JAKMIP3: variants seen among roughly 807,000 people sequenced by gnomAD.
The protein encoded by JAKMIP3 is Janus kinase and microtubule interacting protein 3, also known as janus kinase and microtubule-interacting protein 3.
A neutral mutation model predicts 118.5 loss-of-function variants in JAKMIP3; 58 were observed. That is an observed-to-expected ratio of 0.49 (90% CI 0.40 to 0.61). The LOEUF is 0.61. JAKMIP3 is among the 20% of genes least tolerant of loss of function. The probability of loss-of-function intolerance (pLI) is 0.00; values close to 1 mark genes in which losing one functional copy is unlikely to be tolerated. For missense variants in JAKMIP3, 950 were observed against 1,109.0 expected (o/e 0.86, Z 2.04); for synonymous variants, 486 against 451.2 (o/e 1.08, Z -0.98).
chr10:132,038,790 CAAAA>C (rs58917363), intron 1 of JAKMIP3, among the ~76,000 whole-genome samples: 19,596 of 124,722 alleles, frequency 0.16, 1,372 homozygotes, highest in Middle Eastern at 0.19. Context: ...GAGACTGTCT[CAAAA>C]AAAAAAAAAA....
At chr10:132,115,967 GAGCAAAGCCCTTGGC>G (rs973113756) in intron 2 of JAKMIP3, among the ~76,000 whole-genome samples, 7 of 152,236 alleles carry the variant, frequency 4.6e-5, no homozygotes, top group Non-Finnish European at 8.8e-5. Context: ...CGGAGCGGGA[GAGCAAAGCCCTTGGC>G]AGCAGAGCCT....
At chr10:132,090,572 T>C (rs1213532599) in intron 1 of JAKMIP3, among the ~76,000 whole-genome samples, 1 of 152,228 alleles carries the variant, frequency 6.6e-6, no homozygotes, top group Non-Finnish European at 1.5e-5. Flanking sequence ...TTTATCATTT[T>C]TTATTGCATC....
chr10:132,061,548 A>C (rs951514087), upstream of JAKMIP3, among the ~76,000 whole-genome samples: 1 of 152,238 alleles, frequency 6.6e-6, no homozygotes, highest in African/African-American at 2.4e-5. Flanking sequence ...AAAAAGGCCA[A>C]ATTTGAAGAT....
chr10:132,135,301 T>A, intron 5 of JAKMIP3, 141 bp downstream of exon 5: 1 of 850,122 alleles, frequency 1.2e-6, no homozygotes, highest in Non-Finnish European at 1.8e-6. Flanking sequence ...CTCCTGACTG[T>A]GTTCCAGTTG....
chr10:132,092,455 T>A (rs2043218388), intron 1 of JAKMIP3, among the ~76,000 whole-genome samples: 1 of 152,260 alleles, frequency 6.6e-6, no homozygotes, highest in Non-Finnish European at 1.5e-5. Flanking sequence ...TCTTGGAGGC[T>A]TCGTTCATTT....
At chr10:132,046,031 A>G (rs2133784459) in intron 1 of JAKMIP3, among the ~76,000 whole-genome samples, 1 of 152,242 alleles carries the variant, frequency 6.6e-6, no homozygotes. Flanking sequence ...TGATAAATTC[A>G]CACACCTGTG....
At chr10:132,071,197 A>G (rs1045210442) in intron 1 of JAKMIP3, among the ~76,000 whole-genome samples, 7 of 113,720 alleles carry the variant, frequency 6.2e-5, no homozygotes, top group African/African-American at 1.9e-4. Flanking sequence ...GTGTGTTTTA[A>G]TCCAGATGTT....
intron 21 of JAKMIP3, among the ~76,000 whole-genome samples, chr10:132,166,442 C>T (rs2058912805): frequency 6.6e-6 from 1 of 152,204 alleles, no homozygotes; most frequent in Non-Finnish European, 1.5e-5. Context: ...GGCTCCCGAC[C>T]CCCAGCCCAG....
intron 1 of JAKMIP3, among the ~76,000 whole-genome samples, chr10:132,080,759 G>T (rs2041660234): frequency 6.6e-6 from 1 of 151,658 alleles, no homozygotes; most frequent in Non-Finnish European, 1.5e-5. Context: ...ACCTCAAGCA[G>T]TCTGCCCACC....
intron 2 of JAKMIP3, among the ~76,000 whole-genome samples, chr10:132,110,498 T>C (rs931536846): frequency 3.3e-5 from 5 of 152,274 alleles, no homozygotes; most frequent in African/African-American, 1.2e-4. Flanking sequence ...CTTGTTTCTC[T>C]GCTGCGGTAC....
rs2059122939 is a variant in JAKMIP3, at chr10:132,167,952, G to A, written c.*23-1G>A. The A allele has an allele frequency of 5.4e-6, 7 of 1,288,968 alleles. No individual in the cohort carries two copies. Among genetic ancestry groups the A allele is most frequent in the African/African-American group, 1.5e-5 (1 of 65,810 alleles). The allele number at this position is 1,288,968 out of a possible 1,614,324, so 79.8% of individuals were successfully genotyped here. On this transcript the variant is annotated splice_acceptor_variant, in intron 22 of 23. Coordinates refer to ENST00000684848, the MANE Select transcript of JAKMIP3 (RefSeq NM_001323087.2). LOFTEE classifies it low-confidence loss of function (3UTR_SPLICE). The stretch of plus-strand genomic sequence containing the variant: ...TGCACTCTACGTTTCATTTCTTCCA[G>A]CCCCACATTGAATCGGACCCTTTTC...
chr10:132,060,445 T>A (rs561279302), upstream of JAKMIP3, among the ~76,000 whole-genome samples: 33 of 152,102 alleles, frequency 2.2e-4, no homozygotes, highest in Middle Eastern at 3.4e-3. Context: ...TTTACAATTT[T>A]AAAAAAATGG....
chr10:132,104,621 A>G (rs939776308), intron 1 of JAKMIP3, 51 bp from the exon 2 acceptor site: 6 of 618,846 alleles, frequency 9.7e-6, no homozygotes, highest in Non-Finnish European at 1.4e-5. Flanking sequence ...CCTGAGCTCC[A>G]GGCCACGGCT....
At chr10:132,133,647 C>G in intron 4 of JAKMIP3, 120 bp downstream of exon 4, 8 of 918,280 alleles carry the variant, frequency 8.7e-6, no homozygotes, top group Non-Finnish European at 1.3e-5. Context: ...AGGCAGCACC[C>G]TCCTGCCTGG....
At chr10:132,069,928 C>T (rs972367429) in intron 1 of JAKMIP3, among the ~76,000 whole-genome samples, 6 of 152,142 alleles carry the variant, frequency 3.9e-5, no homozygotes, top group African/African-American at 9.7e-5. Context: ...AGACGGGGCT[C>T]GGTCCCCAGT....
At chr10:132,041,023 C>T (rs189391540) in intron 1 of JAKMIP3, among the ~76,000 whole-genome samples, 5 of 152,144 alleles carry the variant, frequency 3.3e-5, no homozygotes, top group South Asian at 2.1e-4. Flanking sequence ...CTGTGTCTCG[C>T]GGCTGAGCGG....
In JAKMIP3 at chr10:132,179,696, C is replaced by T. The variant is rs1353320484; in HGVS notation, c.*1104-2661C>T. Among the ~76,000 whole-genome samples the T allele has an allele frequency of 6.6e-6, 1 of 152,012 alleles. No individual in the cohort carries two copies. Among genetic ancestry groups the T allele is most frequent in the Non-Finnish European group, 1.5e-5 (1 of 68,008 alleles). ...ATTCACAGGACTCAGCACACAGTCA[C>T]ACCACAGCAGGGCCACACCACGGCA... On this transcript the variant is annotated intron_variant, in intron 23 of 23. Coordinates refer to ENST00000684848, the MANE Select transcript of JAKMIP3 (RefSeq NM_001323087.2). The surrounding 1 kb of genome is among the most constrained non-coding windows in gnomAD (Gnocchi z 4.3).
Position 132,141,840 on chromosome 10 carries a change from C to T in JAKMIP3, c.1474-80C>T. On this transcript the variant is annotated intron_variant, in intron 10 of 23. Transcript: ENST00000684848. ...ATTTGATATCTGGGGAGAAGGGAAG[C>T]CCCGGGGCCCCGCCATCGGAGGAGG... is the stretch of plus-strand genomic sequence containing the variant. 4.7e-6 allele frequency: 7 copies of T among 1,502,346 alleles called. No homozygotes were observed. The South Asian group carries it at 9.0e-5, about 19-fold the overall frequency. The allele number at this position is 1,502,346 out of a possible 1,614,324, so 93.1% of individuals were successfully genotyped here. A position where few individuals can be genotyped will look rare whatever the true frequency, so the allele number is the denominator to read the frequency against.
Position 132,117,161 on chromosome 10 carries a change from G to A in JAKMIP3, c.220G>A (p.Glu74Lys), listed in dbSNP as rs1422406752. The change falls in exon 3 of 24, where the codon GAG (glutamate) becomes AAG (lysine). Residue 74 changes from glutamate to lysine, a missense_variant. Glu to Lys is a moderately conservative substitution (Grantham distance 56). Transcript: ENST00000684848. This position sits in a 1 kb window ranked among gnomAD's most constrained non-coding sequence, Gnocchi z 8.6. ...EQHKTAVLLT[E>K]LKTKLHEEKM... The stretch of plus-strand genomic sequence containing the variant: ...GCATAAGACCGCGGTCTTGCTCACG[G>A]AGCTCAAGACAAAGCTGCACGAGGA... The A allele has an allele frequency of 6.2e-7, 1 of 1,613,854 alleles. No homozygotes were observed. The highest frequency in any genetic ancestry group is 8.5e-7 in the Non-Finnish European group (1 of 1,179,904).
Sources: gnomAD v4.1 joint callset for allele counts (sites outside exome capture counted in the v4.1 genomes callset) on GRCh38, gnomAD v4.1.1 for gene constraint, Gnocchi (gnomAD v3.1) non-coding constraint, MANE v1.5 for transcripts, NCBI Gene and HGNC (gene_info 2026-07-23, HGNC 2026-07-21) for gene names.